The following CPNE9 variants were observed in gnomAD, a reference collection of about 807,000 sequenced individuals.
CPNE9 encodes the protein copine family member 9.
Under a neutral mutation model 83.0 loss-of-function variants are expected in CPNE9, and 59 were observed. The ratio of observed to expected loss-of-function variants is 0.71; its 90% CI spans 0.58 to 0.88. The LOEUF is 0.88. Among genes scored for constraint, CPNE9 ranks in the 40% least tolerant of loss-of-function variants. The pLI, the probability that CPNE9 is intolerant of heterozygous loss-of-function variation, is 0.00. For synonymous variants in CPNE9, 256 were observed against 273.4 expected, an observed-to-expected ratio of 0.94 and a Z score of 0.63; for missense variants, 619 against 720.8, an observed-to-expected ratio of 0.86 and a Z score of 1.62.
At chr3:9,720,581 C>T (rs2076725705) in intron 17 of CPNE9, among the ~76,000 whole-genome samples, 1 of 152,162 alleles carries the variant, frequency 6.6e-6, no homozygotes, top group South Asian at 2.1e-4. Flanking sequence ...ATGAAGAAAT[C>T]ACCCTGAATA....
At chr3:9,715,547 T>G in intron 13 of CPNE9, 21 bp downstream of exon 13, 1 of 1,603,044 alleles carries the variant, frequency 6.2e-7, no homozygotes, top group Non-Finnish European at 8.5e-7. Context: ...CCTAGAGCCG[T>G]GGCCCTCCCT....
At chr3:9,710,500 A>G (rs1015698329) in intron 7 of CPNE9, among the ~76,000 whole-genome samples, 4 of 152,186 alleles carry the variant, frequency 2.6e-5, no homozygotes, top group East Asian at 1.9e-4. Context: ...GAGGAGAAAG[A>G]AGGAGTGAAA....
Position 9,712,706 on chromosome 3 carries a change from C to CA in CPNE9, c.442-17dup, listed in dbSNP as rs1358625870. Reference sequence around the variant, plus strand: ...ATGGACAATTGGGGTGCCACCAGCCCAACTTCATCCATCCCTAGGACATTG... The same window carrying CA: ...ATGGACAATTGGGGTGCCACCAGCCCAAACTTCATCCATCCCTAGGACATTG... On this transcript the variant is annotated intron_variant, in intron 8 of 20. Coordinates refer to ENST00000383832, the MANE Select transcript of CPNE9 (RefSeq NM_153635.3). 1.2e-6 allele frequency: 2 copies of CA among 1,612,528 alleles called. No individual in the cohort carries two copies. The highest frequency in any genetic ancestry group is 1.7e-6 in the Non-Finnish European group (2 of 1,178,568).
chr3:9,721,517 C>T (rs1397572128), intron 17 of CPNE9, among the ~76,000 whole-genome samples: 2 of 152,116 alleles, frequency 1.3e-5, no homozygotes, highest in African/African-American at 4.8e-5. Flanking sequence ...GCAGACAGCC[C>T]ATCTTGGTGG....
intron 17 of CPNE9, among the ~76,000 whole-genome samples, chr3:9,719,657 G>A (rs2076717462): frequency 6.6e-6 from 1 of 152,084 alleles, no homozygotes; most frequent in South Asian, 2.1e-4. Context: ...TAAATGATAA[G>A]TTAAAAACTA....
chr3:9,710,161 G>A (rs1210366799), intron 7 of CPNE9, among the ~76,000 whole-genome samples: 1 of 151,970 alleles, frequency 6.6e-6, no homozygotes, highest in East Asian at 1.9e-4. Context: ...AAAAAAAAGG[G>A]AAAATTATAC....
At chr3:9,707,067 T>C (rs2076571049) in intron 7 of CPNE9, among the ~76,000 whole-genome samples, 1 of 151,994 alleles carries the variant, frequency 6.6e-6, no homozygotes, top group African/African-American at 2.4e-5. Context: ...AGAATAAACC[T>C]TGGGGGCCAG....
At chr3:9,708,916 G>C (rs1376752398) in intron 7 of CPNE9, among the ~76,000 whole-genome samples, 1 of 151,668 alleles carries the variant, frequency 6.6e-6, no homozygotes, top group Non-Finnish European at 1.5e-5. Context: ...TTACAGGCGT[G>C]AGCCACCGCA....
At position 9,729,588 on chromosome 3, in the gene CPNE9, G is replaced by A. The variant is rs780878680; in HGVS notation, c.1558G>A (p.Glu520Lys). Reference protein sequence around the residue: ...MARLAKDVLAEIPEQLLSYMR... With the variant: ...MARLAKDVLAKIPEQLLSYMR... ...CCGACTGGCCAAGGATGTGCTGGCCGAGATCCCGGAGCAGCTGCTGTCCTA... is the reference window on the plus strand; with the variant it reads ...CCGACTGGCCAAGGATGTGCTGGCCAAGATCCCGGAGCAGCTGCTGTCCTA... The change falls in exon 21 of 21, where the codon GAG becomes AAG. Residue 520 changes from glutamate to lysine, a missense_variant. Physicochemically the swap from Glu to Lys is moderately conservative, Grantham distance 56 (BLOSUM62 1). Around this residue, in one of 3 missense-constraint regions of CPNE9, gnomAD observed 438 missense variants for 562.9 expected, o/e 0.78. Transcript: ENST00000383832. The A allele has an allele frequency of 3.7e-6, 6 of 1,614,110 alleles. No individual in the cohort carries two copies. The highest frequency in any genetic ancestry group is 2.2e-5 in the East Asian group (1 of 44,874).
chr3:9,706,495 A>G (rs2076566136), intron 7 of CPNE9, among the ~76,000 whole-genome samples: 1 of 152,020 alleles, frequency 6.6e-6, no homozygotes, highest in African/African-American at 2.4e-5. Context: ...TTCCACAAAC[A>G]CTATGTATAC....
At chr3:9,718,908 C>T (rs1334029270) in intron 17 of CPNE9, among the ~76,000 whole-genome samples, 1 of 148,660 alleles carries the variant, frequency 6.7e-6, no homozygotes, top group African/African-American at 2.5e-5. Context: ...ATGGTCTCGG[C>T]TCACTGCAAC....
chr3:9,718,414 T>G (rs560296352), intron 16 of CPNE9, 61 bp from the exon 17 acceptor site: 2 of 1,565,986 alleles, frequency 1.3e-6, no homozygotes, highest in Admixed American at 3.5e-5. Context: ...TGAGCTGGAA[T>G]CAGAGCACTC....
chr3:9,717,194 A>G (rs902193014), intron 15 of CPNE9, 90 bp downstream of exon 15: 2 of 1,394,142 alleles, frequency 1.4e-6, no homozygotes, highest in Non-Finnish European at 2.0e-6. Flanking sequence ...CCTAGAGATA[A>G]GAGTTTACCT....
At chr3:9,717,557 G>A (rs2076695121) in intron 15 of CPNE9, among the ~76,000 whole-genome samples, 2 of 152,220 alleles carry the variant, frequency 1.3e-5, no homozygotes, top group African/African-American at 4.8e-5. Context: ...AGATCCATAT[G>A]AGAATAGACA....
At chr3:9,714,708 A>G (rs1385230568) in intron 10 of CPNE9, among the ~76,000 whole-genome samples, 1 of 151,224 alleles carries the variant, frequency 6.6e-6, no homozygotes, top group African/African-American at 2.4e-5. Context: ...GGTACTAACC[A>G]GAGTAGTATT....
chr3:9,721,770 G>A (rs903731815), intron 17 of CPNE9, among the ~76,000 whole-genome samples: 4 of 152,198 alleles, frequency 2.6e-5, no homozygotes, highest in African/African-American at 9.6e-5. Context: ...ATGGACTGGG[G>A]ATAGAGAGTG....
chr3:9,722,514 CTTTTTTT>C (rs879422539), intron 17 of CPNE9, among the ~76,000 whole-genome samples: 1 of 145,300 alleles, frequency 6.9e-6, no homozygotes, highest in African/African-American at 2.5e-5. Context: ...TTCTACAGTT[CTTTTTTT>C]TTTTTAAGAG....
chr3:9,722,266 C>A (rs764474807), intron 17 of CPNE9, among the ~76,000 whole-genome samples: 1 of 150,878 alleles, frequency 6.6e-6, no homozygotes, highest in Non-Finnish European at 1.5e-5. Flanking sequence ...TATAGAATGG[C>A]GGTGAGGATT....
chr3:9,726,625 T>C, intron 18 of CPNE9, 40 bp from the exon 19 acceptor site: 1 of 1,525,950 alleles, frequency 6.6e-7, no homozygotes, highest in Non-Finnish European at 9.1e-7. Flanking sequence ...TCCCTAGTGA[T>C]GCCTGCTTGC....
Sources: gnomAD v4.1 joint callset for allele counts (sites outside exome capture counted in the v4.1 genomes callset) on GRCh38, gnomAD v4.1.1 for gene constraint, gnomAD v4.1.1 regional missense constraint, MANE v1.5 for transcripts, NCBI Gene and HGNC (gene_info 2026-07-23, HGNC 2026-07-21) for gene names.